The following CACNA1E variants were observed in gnomAD, a reference collection of about 807,000 sequenced individuals.
CACNA1E encodes voltage-dependent R-type calcium channel subunit alpha-1E.
CACNA1E carries 40 observed loss-of-function variants against 259.2 expected under a neutral mutation model. The ratio of observed to expected loss-of-function variants is 0.15; its 90% CI spans 0.12 to 0.20. CACNA1E has a LOEUF of 0.20. Among genes scored for constraint, CACNA1E ranks in the 10% least tolerant of loss-of-function variants. The pLI, the probability that CACNA1E is intolerant of heterozygous loss-of-function variation, is 1.00. For synonymous variants in CACNA1E, 1,104 were observed against 1,138.5 expected (o/e 0.97, Z 0.61); for missense variants, 1,874 against 3,040.1 (o/e 0.62, Z 9.02).
chr1:181,389,620 C>T (rs868772945), intron 1 of CACNA1E, among the ~76,000 whole-genome samples: 20 of 152,188 alleles, frequency 1.3e-4, no homozygotes, highest in Admixed American at 9.2e-4. Context: ...ATGCGTGTGT[C>T]GCAGGGAGGT....
chr1:181,723,284 A>C (rs1020358170), intron 16 of CACNA1E, among the ~76,000 whole-genome samples: 2 of 152,194 alleles, frequency 1.3e-5, no homozygotes, highest in African/African-American at 4.8e-5. Context: ...CCAGCCTCCC[A>C]GAATGGGGAG....
intron 1 of CACNA1E, among the ~76,000 whole-genome samples, chr1:181,385,591 C>T (rs1318326446): frequency 6.6e-6 from 1 of 152,200 alleles, no homozygotes; most frequent in African/African-American, 2.4e-5. Context: ...CGGCTTGCTG[C>T]CATGAACTCT....
chr1:181,734,071 G>A (rs1655795438), intron 21 of CACNA1E, among the ~76,000 whole-genome samples: 1 of 152,102 alleles, frequency 6.6e-6, no homozygotes, highest in Non-Finnish European at 1.5e-5. Context: ...GGTGTTGTCT[G>A]GGGTCTCCCA....
chr1:181,625,710 G>A (rs183268318), intron 6 of CACNA1E, among the ~76,000 whole-genome samples: 1 of 152,146 alleles, frequency 6.6e-6, no homozygotes, highest in African/African-American at 2.4e-5. Context: ...TCAGCAAAAG[G>A]TTATTTAGCT....
intron 3 of CACNA1E, among the ~76,000 whole-genome samples, chr1:181,541,325 T>C (rs1293923473): frequency 6.6e-6 from 1 of 152,076 alleles, no homozygotes; most frequent in African/African-American, 2.4e-5. Flanking sequence ...TTATATATGT[T>C]TAACATAATA....
chr1:181,660,651 G>A (rs1275321566), intron 7 of CACNA1E, among the ~76,000 whole-genome samples: 2 of 152,172 alleles, frequency 1.3e-5, no homozygotes, highest in African/African-American at 4.8e-5. Context: ...TGTTTCCCAT[G>A]CCTGACCTGA....
At chr1:181,533,446 T>C (rs757005893) in intron 3 of CACNA1E, among the ~76,000 whole-genome samples, 3 of 150,944 alleles carry the variant, frequency 2.0e-5, no homozygotes, top group Admixed American at 6.6e-5. Flanking sequence ...CAAATTCCCA[T>C]ATATATGTGG....
chr1:181,495,140 A>G (rs1043818772), intron 1 of CACNA1E, among the ~76,000 whole-genome samples: 1 of 152,190 alleles, frequency 6.6e-6, no homozygotes, highest in African/African-American at 2.4e-5. Context: ...TCTTTCTTAG[A>G]CAATAAAAGT....
intron 6 of CACNA1E, among the ~76,000 whole-genome samples, chr1:181,591,671 A>G (rs913785421): frequency 2.6e-5 from 4 of 152,132 alleles, no homozygotes; most frequent in Admixed American, 6.6e-5. Flanking sequence ...GTGATTTCTG[A>G]TGCCAAAGGT....
intron 3 of CACNA1E, among the ~76,000 whole-genome samples, chr1:181,517,392 C>G (rs1266873378): frequency 6.6e-6 from 1 of 152,020 alleles, no homozygotes; most frequent in African/African-American, 2.4e-5. Context: ...TCTGAGTAGT[C>G]TGTACTTTAA....
At chr1:181,676,067 T>C (rs1649345254) in intron 7 of CACNA1E, among the ~76,000 whole-genome samples, 2 of 150,892 alleles carry the variant, frequency 1.3e-5, no homozygotes, top group South Asian at 4.2e-4. Context: ...GTATAGAATG[T>C]AAAATCCCCA....
rs193099251 is a variant in CACNA1E at position 181,714,483 on chromosome 1, T to C, written c.1172-855T>C. ...CCATCATTACATAGGCATGCTCGATTAAACCATCGGCCATTGGCAATTAAA... is the reference window on the plus strand; with the variant it reads ...CCATCATTACATAGGCATGCTCGATCAAACCATCGGCCATTGGCAATTAAA... On this transcript the variant is annotated intron_variant, in intron 8 of 47. Coordinates refer to ENST00000367573, the MANE Select transcript of CACNA1E (RefSeq NM_001205293.3). 1.9e-3 allele frequency among the ~76,000 whole-genome samples: 285 copies of C among 152,186 alleles called. 1 individual carries two copies. The highest frequency in any genetic ancestry group is 4.4e-3 in the Admixed American group (68 of 15,282).
chr1:181,721,620 T>C (rs1654421437), intron 15 of CACNA1E, 138 bp from the exon 16 acceptor site: 1 of 505,612 alleles, frequency 2.0e-6, no homozygotes, highest in Non-Finnish European at 3.6e-6. Flanking sequence ...ATGACTTTTT[T>C]TTTTTTTAAC....
rs1660013124 is a variant in CACNA1E at position 181,776,804 on chromosome 1, C to CTGTT, written c.5267+578_5267+581dup. On this transcript the variant is annotated intron_variant, in intron 38 of 47. Transcript: ENST00000367573. The surrounding 1 kb of genome is among the most constrained non-coding windows in gnomAD (Gnocchi z 4.4). ...GATAACTTCTTTACTGTCTCTTTTG[C>CTGTT]TGTTTAGTAGTTCTGAAGTGATAGC... Among the ~76,000 whole-genome samples, 1 of 152,156 alleles carries CTGTT rather than the reference C, an allele frequency of 6.6e-6. No individual in the cohort carries two copies. The highest frequency in any genetic ancestry group is 6.5e-5 in the Admixed American group (1 of 15,284).
upstream of CACNA1E, among the ~76,000 whole-genome samples, chr1:181,482,871 G>C (rs1001324356): frequency 9.2e-5 from 14 of 152,374 alleles, no homozygotes; most frequent in African/African-American, 3.4e-4. Flanking sequence ...GATCGCTGTT[G>C]CATGCTGATC....
intron 7 of CACNA1E, among the ~76,000 whole-genome samples, chr1:181,679,561 C>T (rs1572575883): frequency 6.6e-6 from 1 of 152,198 alleles, no homozygotes; most frequent in East Asian, 1.9e-4. Flanking sequence ...ACAAGGTATC[C>T]TTTCACAAAC....
intron 1 of CACNA1E, among the ~76,000 whole-genome samples, chr1:181,398,825 C>T (rs554942851): frequency 5.3e-5 from 8 of 152,264 alleles, no homozygotes; most frequent in South Asian, 4.1e-4. Context: ...CTTCATCAAG[C>T]GAAAACCAAC....
At position 181,410,074 on chromosome 1, in the gene CACNA1E, T is replaced by C. The variant is rs557642727; in HGVS notation, c.-14-3059T>C. ...GCTGCAGCCAGCAGGGCCTGAGAATTCTTGGAGTTGCTGGAGATGCTAAGG... is the reference window on the plus strand; with the variant it reads ...GCTGCAGCCAGCAGGGCCTGAGAATCCTTGGAGTTGCTGGAGATGCTAAGG... On this transcript the variant is annotated intron_variant, in intron 1 of 11. Coordinates refer to the CACNA1E transcript ENST00000524607. Among the ~76,000 whole-genome samples the C allele has an allele frequency of 3.9e-4, 60 of 152,076 alleles. 1 individual carries two copies. The South Asian group carries it at 0.012, about 30-fold the overall frequency.
chr1:181,336,236 G>A (rs1253498360), intron 1 of CACNA1E, among the ~76,000 whole-genome samples: 1 of 152,192 alleles, frequency 6.6e-6, no homozygotes, highest in Non-Finnish European at 1.5e-5. Flanking sequence ...TGTATTCCTA[G>A]TACTTGGCAA....
Sources: allele counts gnomAD v4.1 joint callset (sites outside exome capture counted in the v4.1 genomes callset), GRCh38; gene constraint gnomAD v4.1.1; non-coding constraint Gnocchi (gnomAD v3.1); transcripts MANE v1.5; gene names NCBI Gene and HGNC (gene_info 2026-07-23, HGNC 2026-07-21).